Variants in LARGE1 observed in about 807,000 individuals in gnomAD.
The protein encoded by LARGE1 is LARGE xylosyl- and glucuronyltransferase 1, also known as xylosyl- and glucuronyltransferase LARGE1.
A neutral mutation model predicts 87.6 loss-of-function variants in LARGE1; 43 were observed. The observed-to-expected ratio is 0.49, with a 90% CI of 0.38 to 0.63. LARGE1 has a LOEUF of 0.63. Ranked by LOEUF, LARGE1 falls within the 30% of genes least tolerant of loss-of-function variation. LARGE1 has a pLI of 0.00. For synonymous variants in LARGE1, 434 were observed against 394.6 expected, an observed-to-expected ratio of 1.10 and a Z score of -1.18; for missense variants, 802 against 1,000.2, an observed-to-expected ratio of 0.80 and a Z score of 2.67.
At chr22:33,553,716 G>A (rs544878380) in intron 6 of LARGE1, among the ~76,000 whole-genome samples, 4 of 152,226 alleles carry the variant, frequency 2.6e-5, no homozygotes, top group East Asian at 3.9e-4. Context: ...GCAACACCCC[G>A]ACGTTGCAAA....
chr22:33,772,000 G>A (rs1323474743), intron 1 of LARGE1, among the ~76,000 whole-genome samples: 1 of 152,122 alleles, frequency 6.6e-6, no homozygotes, highest in Non-Finnish European at 1.5e-5. Context: ...CCATGCCCGT[G>A]GCTTCTGCAT....
At chr22:33,540,494 G>A (rs1367496061) in intron 6 of LARGE1, among the ~76,000 whole-genome samples, 3 of 152,208 alleles carry the variant, frequency 2.0e-5, no homozygotes, top group Non-Finnish European at 4.4e-5. Context: ...GGAGGGACAA[G>A]TGCCAGGATT....
At chr22:33,300,832 G>A (rs1934049522) in intron 12 of LARGE1, among the ~76,000 whole-genome samples, 1 of 152,024 alleles carries the variant, frequency 6.6e-6, no homozygotes, top group African/African-American at 2.4e-5. Flanking sequence ...GAGCCACCGC[G>A]CCTGGCCAAT....
At chr22:33,770,730 C>G (rs2085042874) in intron 1 of LARGE1, among the ~76,000 whole-genome samples, 2 of 152,030 alleles carry the variant, frequency 1.3e-5, no homozygotes, top group Admixed American at 1.3e-4. Flanking sequence ...AGGCAATATC[C>G]TATATTGCTA....
chr22:33,581,811 C>CAA (rs130418), intron 5 of LARGE1, among the ~76,000 whole-genome samples: 45 of 77,340 alleles, frequency 5.8e-4, no homozygotes, highest in African/African-American at 1.4e-3. Context: ...AACTCCGTCT[C>CAA]AAAAAAAAAA....
intron 5 of LARGE1, among the ~76,000 whole-genome samples, chr22:33,582,235 T>C (rs2078542242): frequency 6.6e-6 from 1 of 152,160 alleles, no homozygotes; most frequent in Non-Finnish European, 1.5e-5. Flanking sequence ...CAGAACATCA[T>C]GAGTGCTAAG....
chr22:33,799,423 T>A (rs531031703), intron 1 of LARGE1, among the ~76,000 whole-genome samples: 1 of 152,140 alleles, frequency 6.6e-6, no homozygotes, highest in African/African-American at 2.4e-5. Flanking sequence ...GCTGTTTTTG[T>A]AAACATATAC....
At chr22:33,464,792 G>A (rs1234091976) in intron 6 of LARGE1, among the ~76,000 whole-genome samples, 1 of 151,912 alleles carries the variant, frequency 6.6e-6, no homozygotes. Context: ...GAAAATCACT[G>A]GCAGTCACTA....
chr22:33,731,389 A>G (rs2083463529), intron 2 of LARGE1, among the ~76,000 whole-genome samples: 1 of 152,180 alleles, frequency 6.6e-6, no homozygotes, highest in African/African-American at 2.4e-5. Flanking sequence ...AGGAGGTTAA[A>G]TTCAGGAAAG....
At chr22:33,127,586 C>G in the LARGE1 span, among the ~76,000 whole-genome samples, 835 of 152,268 alleles carry the variant, frequency 5.5e-3, 10 homozygotes, top group African/African-American at 0.018. Context: ...TCATATTCAA[C>G]TCTTTTAAAG....
At chr22:33,309,960 T>C (rs1935380207) in intron 11 of LARGE1, among the ~76,000 whole-genome samples, 1 of 152,208 alleles carries the variant, frequency 6.6e-6, no homozygotes, top group African/African-American at 2.4e-5. Flanking sequence ...TGACCTGATT[T>C]ACATTTTTAA....
chr22:33,589,049 C>T (rs1308703786), intron 5 of LARGE1, among the ~76,000 whole-genome samples: 2 of 152,218 alleles, frequency 1.3e-5, no homozygotes, highest in African/African-American at 2.4e-5. Context: ...AAATCTGCTT[C>T]CAGGCAAACA....
chr22:33,227,431 A>G (rs1411691912), intron 11 of LARGE1, among the ~76,000 whole-genome samples: 1 of 152,216 alleles, frequency 6.6e-6, no homozygotes, highest in East Asian at 1.9e-4. Flanking sequence ...CAGAAGTACC[A>G]TGACTCAGAC....
chr22:33,482,203 A>C (rs74318833), intron 6 of LARGE1, among the ~76,000 whole-genome samples: 1,991 of 152,334 alleles, frequency 0.013, 37 homozygotes, highest in African/African-American at 0.046. Context: ...GTTGACTTGC[A>C]AGAAAGGTCA....
At chr22:33,102,321 A>C in the LARGE1 span, among the ~76,000 whole-genome samples, 3 of 151,870 alleles carry the variant, frequency 2.0e-5, no homozygotes, top group Non-Finnish European at 4.4e-5. Flanking sequence ...GGCGTGGGCC[A>C]CCATGCCCAG....
At chr22:33,505,079 A>G (rs2070698665) in intron 6 of LARGE1, among the ~76,000 whole-genome samples, 1 of 152,216 alleles carries the variant, frequency 6.6e-6, no homozygotes, top group Non-Finnish European at 1.5e-5. Context: ...AAGCCGCTCA[A>G]CACACAGAGG....
intron 6 of LARGE1, among the ~76,000 whole-genome samples, chr22:33,495,691 C>T (rs568477376): frequency 2.8e-4 from 43 of 152,304 alleles, no homozygotes; most frequent in African/African-American, 1.0e-3. Context: ...TGCACTCCAG[C>T]CTGAGTCAGA....
At chr22:33,276,996 T>G (rs1929434837) in intron 14 of LARGE1, 64 bp downstream of exon 14, 4 of 1,494,048 alleles carry the variant, frequency 2.7e-6, no homozygotes, top group South Asian at 2.3e-5. Context: ...AAGGATCCCT[T>G]AAGCTCTAGG....
At chr22:33,792,139 G>A (rs1352686708) in intron 1 of LARGE1, among the ~76,000 whole-genome samples, 1 of 152,146 alleles carries the variant, frequency 6.6e-6, no homozygotes, top group Admixed American at 6.5e-5. Context: ...GACAACCTAG[G>A]ATTATACTTG....
Sources: allele counts gnomAD v4.1 joint callset (sites outside exome capture counted in the v4.1 genomes callset), GRCh38; gene constraint gnomAD v4.1.1; transcripts MANE v1.5; gene names NCBI Gene and HGNC (gene_info 2026-07-23, HGNC 2026-07-21).